The following DAB2IP variants were observed in gnomAD, a reference collection of about 807,000 sequenced individuals.
DAB2IP encodes the protein disabled homolog 2-interacting protein.
DAB2IP carries 28 observed loss-of-function variants against 107.2 expected under a neutral mutation model. The ratio of observed to expected loss-of-function variants is 0.26; its 90% CI spans 0.19 to 0.36. The LOEUF is 0.36. Among genes scored for constraint, DAB2IP ranks in the 10% least tolerant of loss-of-function variants. DAB2IP has a pLI of 1.00. For synonymous variants in DAB2IP, 755 were observed against 706.4 expected (o/e 1.07, Z -1.09); for missense variants, 1,400 against 1,644.7 (o/e 0.85, Z 2.57).
Position 121,662,136 on chromosome 9 carries a change from C to CT in DAB2IP, c.124+10240dup, listed in dbSNP as rs1181995927. On this transcript the variant is annotated intron_variant, in intron 1 of 15. Transcript: ENST00000408936. This position sits in a 1 kb window ranked among gnomAD's most constrained non-coding sequence, Gnocchi z 4.6. Reference sequence around the variant, plus strand: ...TATTTCCAGCCCTTCCCCTTCTTTTCTTTAAGTTTTTGAAAATTCTAAAAT... The same window carrying CT: ...TATTTCCAGCCCTTCCCCTTCTTTTCTTTTAAGTTTTTGAAAATTCTAAAAT... Among the ~76,000 whole-genome samples, 2 of 152,150 alleles carry CT rather than the reference C, an allele frequency of 1.3e-5. No homozygotes were observed. Among genetic ancestry groups the CT allele is most frequent in the African/African-American group, 2.4e-5 (1 of 41,440 alleles).
chr9:121,626,877 C>G (rs1831667524), intron 1 of DAB2IP, among the ~76,000 whole-genome samples: 1 of 151,334 alleles, frequency 6.6e-6, no homozygotes, highest in Non-Finnish European at 1.5e-5. Flanking sequence ...GACTTTTAAT[C>G]TATTTTTTAA....
At chr9:121,677,312 A>G (rs761705711) in intron 1 of DAB2IP, among the ~76,000 whole-genome samples, 3 of 152,186 alleles carry the variant, frequency 2.0e-5, no homozygotes, top group Non-Finnish European at 4.4e-5. Flanking sequence ...TGAGGCCAGG[A>G]GTTTGAGACC....
rs553990429 is a variant in DAB2IP at position 121,698,561 on chromosome 9, G to T, written c.229-764G>T. On this transcript the variant is annotated intron_variant, in intron 2 of 15. Coordinates refer to ENST00000408936, the Ensembl canonical transcript of DAB2IP. The surrounding 1 kb of genome is among the most constrained non-coding windows in gnomAD (Gnocchi z 4.1). The stretch of plus-strand genomic sequence containing the variant: ...CTCAGCAAACCCTTCAGCCCCTCGG[G>T]CCCCTCCCTGAGCTGAGCACTAGGG... Among the ~76,000 whole-genome samples the T allele has an allele frequency of 6.6e-5, 10 of 152,170 alleles. No individual in the cohort carries two copies. Among genetic ancestry groups the T allele is most frequent in the Non-Finnish European group, 1.2e-4 (8 of 68,022 alleles).
intron 1 of DAB2IP, among the ~76,000 whole-genome samples, chr9:121,614,017 G>A (rs908997963): frequency 7.2e-5 from 11 of 152,130 alleles, no homozygotes; most frequent in Admixed American, 2.0e-4. Context: ...CTGATGTGCT[G>A]GGGGGCTTCA....
chr9:121,662,230 C>G lies in DAB2IP; in HGVS notation c.124+10331C>G, dbSNP rs764522082. On this transcript the variant is annotated intron_variant, in intron 1 of 15. Transcript: ENST00000408936. This position sits in a 1 kb window ranked among gnomAD's most constrained non-coding sequence, Gnocchi z 4.6. ...CACCCACCTCTCAGGTTGAACAAAC[C>G]TTAACATTGCCATACCTGCCTCTCT... is the stretch of plus-strand genomic sequence containing the variant. 2.0e-5 allele frequency among the ~76,000 whole-genome samples: 3 copies of G among 152,074 alleles called. No individual in the cohort carries two copies. Among genetic ancestry groups the G allele is most frequent in the Non-Finnish European group, 4.4e-5 (3 of 67,992 alleles).
intron 1 of DAB2IP, among the ~76,000 whole-genome samples, chr9:121,611,331 C>T (rs1018249336): frequency 6.6e-6 from 1 of 152,034 alleles, no homozygotes; most frequent in African/African-American, 2.4e-5. Flanking sequence ...CCACTGAATC[C>T]TGGGCTTGGA....
chr9:121,657,233 G>A (rs1456604194), intron 1 of DAB2IP, among the ~76,000 whole-genome samples: 2 of 152,166 alleles, frequency 1.3e-5, no homozygotes, highest in Admixed American at 1.3e-4. Context: ...TGAGGGTTCA[G>A]AGTCCCCTGG....
chr9:121,765,190 G>T (rs138432531), intron 8 of DAB2IP, among the ~76,000 whole-genome samples: 5 of 152,244 alleles, frequency 3.3e-5, no homozygotes, highest in Non-Finnish European at 5.9e-5. Flanking sequence ...TCCCAGCTGG[G>T]CTGTGCTTTC....
intron 1 of DAB2IP, among the ~76,000 whole-genome samples, chr9:121,622,465 A>G (rs1317325759): frequency 1.3e-5 from 2 of 152,172 alleles, no homozygotes; most frequent in Admixed American, 6.5e-5. Context: ...GGGGACCTCC[A>G]ATACCTGACA....
At chr9:121,769,487 A>G (rs996701012) in intron 10 of DAB2IP, among the ~76,000 whole-genome samples, 1 of 152,172 alleles carries the variant, frequency 6.6e-6, no homozygotes, top group Non-Finnish European at 1.5e-5. Flanking sequence ...TTTGCTTGTC[A>G]GTGCAATCTC....
intron 3 of DAB2IP, among the ~76,000 whole-genome samples, chr9:121,755,258 G>T (rs1041469360): frequency 6.6e-6 from 1 of 152,204 alleles, no homozygotes; most frequent in African/African-American, 2.4e-5. Flanking sequence ...GCGGTGTGGC[G>T]TGGCAGGTAG....
intron 3 of DAB2IP, among the ~76,000 whole-genome samples, chr9:121,714,684 C>A (rs926800902): frequency 4.6e-5 from 7 of 152,202 alleles, no homozygotes; most frequent in Non-Finnish European, 1.0e-4. Flanking sequence ...AAACCAGCCC[C>A]AGCTCCTCCC....
At chr9:121,642,615 TAAAAAAA>T (rs397893249) in intron 1 of DAB2IP, among the ~76,000 whole-genome samples, 1 of 123,960 alleles carries the variant, frequency 8.1e-6, no homozygotes, top group South Asian at 2.7e-4. Flanking sequence ...TCTTTTCTAT[TAAAAAAA>T]AAAAAAAAAA....
Position 121,635,498 on chromosome 9 carries a change from C to T in DAB2IP, c.41-43180C>T, listed in dbSNP as rs1458389772. On this transcript the variant is annotated intron_variant, in intron 1 of 16. Transcript: ENST00000259371. This position sits in a 1 kb window ranked among gnomAD's most constrained non-coding sequence, Gnocchi z 4.3. ...CCTGTGGACCTACTGTGTGCTTAGC[C>T]CCGTGCAGGGCCTGGGCATGGAAAC... Among the ~76,000 whole-genome samples the T allele has an allele frequency of 1.3e-5, 2 of 152,190 alleles. No individual in the cohort carries two copies. Among genetic ancestry groups the T allele is most frequent in the African/African-American group, 4.8e-5 (2 of 41,450 alleles).
rs1181394137 is a variant in DAB2IP, at chr9:121,684,346, G to C, written c.228+5565G>C. Reference sequence around the variant, plus strand: ...GGCCTGGAGTTGAGCCCAGGTCTCTGTCCCTCTCCCCCGCATCCAGTGGTC... The same window carrying C: ...GGCCTGGAGTTGAGCCCAGGTCTCTCTCCCTCTCCCCCGCATCCAGTGGTC... On this transcript the variant is annotated intron_variant, in intron 2 of 15. Transcript: ENST00000408936. The surrounding 1 kb of genome is among the most constrained non-coding windows in gnomAD (Gnocchi z 4.0). 6.6e-6 allele frequency among the ~76,000 whole-genome samples: 1 copy of C among 152,098 alleles called. No individual in the cohort carries two copies. The highest frequency in any genetic ancestry group is 1.9e-4 in the East Asian group (1 of 5,192).
intron 4 of DAB2IP, 121 bp from the exon 5 acceptor site, chr9:121,758,777 C>T (rs1833668606): frequency 1.2e-6 from 1 of 821,530 alleles, no homozygotes; most frequent in Non-Finnish European, 2.0e-6. Context: ...TGGCTCCTTC[C>T]TGAAGCTGTG....
intron 14 of DAB2IP, among the ~76,000 whole-genome samples, chr9:121,779,331 C>G (rs1588019621): frequency 6.6e-6 from 1 of 152,172 alleles, no homozygotes; most frequent in Admixed American, 6.5e-5. Flanking sequence ...ATGTCCTTGT[C>G]TAATTCTATC....
intron 3 of DAB2IP, among the ~76,000 whole-genome samples, chr9:121,733,693 C>T (rs1009780629): frequency 6.6e-6 from 1 of 152,192 alleles, no homozygotes; most frequent in African/African-American, 2.4e-5. Context: ...GTGCACTTTC[C>T]TGTGCCCGGG....
intron 1 of DAB2IP, among the ~76,000 whole-genome samples, chr9:121,595,359 G>A (rs150842319): frequency 0.011 from 1,746 of 152,218 alleles, 47 homozygotes; most frequent in African/African-American, 0.039. Context: ...TTAGGAGGCC[G>A]AAGCAGGAGG....
Sources: allele counts gnomAD v4.1 joint callset (sites outside exome capture counted in the v4.1 genomes callset), GRCh38; gene constraint gnomAD v4.1.1; non-coding constraint Gnocchi (gnomAD v3.1); transcripts MANE v1.5; gene names NCBI Gene and HGNC (gene_info 2026-07-23, HGNC 2026-07-21).